The following RBL1 variants were observed in gnomAD, a reference collection of about 807,000 sequenced individuals.
The protein encoded by RBL1 is retinoblastoma-like protein 1.
Under a neutral mutation model 123.0 loss-of-function variants are expected in RBL1, and 82 were observed. That is an observed-to-expected ratio of 0.67 (90% CI 0.56 to 0.80). The LOEUF is 0.80. RBL1 is among the 30% of genes least tolerant of loss of function. The probability of loss-of-function intolerance (pLI) is 0.00; values close to 1 mark genes in which losing one functional copy is unlikely to be tolerated. For synonymous variants in RBL1, 405 were observed against 441.3 expected (o/e 0.92, Z 1.03); for missense variants, 1,171 against 1,299.6 (o/e 0.90, Z 1.52).
intron 9 of RBL1, among the ~76,000 whole-genome samples, chr20:37,057,557 T>G (rs976877954): frequency 3.9e-5 from 6 of 152,228 alleles, no homozygotes; most frequent in Non-Finnish European, 7.3e-5. Context: ...TTGAGTTATT[T>G]GTTGTTCTTG....
chr20:37,077,273 T>C (rs541441993), intron 2 of RBL1, among the ~76,000 whole-genome samples: 1 of 152,322 alleles, frequency 6.6e-6, no homozygotes, highest in African/African-American at 2.4e-5. Flanking sequence ...TACATATGCA[T>C]ATATGGTAGT....
chr20:37,070,030 C>T (rs953534483), intron 2 of RBL1, among the ~76,000 whole-genome samples: 12 of 152,114 alleles, frequency 7.9e-5, no homozygotes, highest in Non-Finnish European at 1.2e-4. Context: ...AATAGAAGGG[C>T]GGGAAAGGTG....
Position 37,047,173 on chromosome 20 carries a change from A to G in RBL1, c.1485T>C (p.Asp495=), listed in dbSNP as rs1321727318. The part of the protein sequence containing the change: ...GMDMSVLLEQ[D]IFHRSLMACC... ...AAGCCATCAAGGAACGATGAAATAT[A>G]TCTTGCTCTAAAAGAACCTGGGGGA... Residue 495 remains aspartate, a synonymous_variant, in exon 12 of 22, where the codon GAT becomes GAC. Transcript: ENST00000373664. 6.3e-7 allele frequency: 1 copy of G among 1,595,166 alleles called. No homozygotes were observed. Among genetic ancestry groups the G allele is most frequent in the South Asian group, 1.2e-5 (1 of 86,200 alleles).
At chr20:37,042,459 G>C (rs774254082) in intron 13 of RBL1, among the ~76,000 whole-genome samples, 7 of 152,120 alleles carry the variant, frequency 4.6e-5, no homozygotes, top group Non-Finnish European at 1.0e-4. Context: ...AAATGGTGCA[G>C]CCATTTTAGA....
At chr20:37,034,490 C>A (rs962530749) in intron 15 of RBL1, among the ~76,000 whole-genome samples, 1 of 151,630 alleles carries the variant, frequency 6.6e-6, no homozygotes, top group African/African-American at 2.4e-5. Context: ...AGTTTGAGAC[C>A]TGGGCAACAT....
At chr20:37,001,600 A>G (rs1243857405) in intron 21 of RBL1, among the ~76,000 whole-genome samples, 1 of 151,200 alleles carries the variant, frequency 6.6e-6, no homozygotes. Flanking sequence ...CCTAATCTCA[A>G]GTACCCAGGG....
rs151302051 is a variant in RBL1, at chr20:37,003,330, A to G, written c.3036+372T>C. ...TACGTAAGAGGAGGCTTGTGTTTTCAGACATCTTCCTATCCTGGGTGCCAT... is the reference window on the plus strand; with the variant it reads ...TACGTAAGAGGAGGCTTGTGTTTTCGGACATCTTCCTATCCTGGGTGCCAT... On this transcript the variant is annotated intron_variant, in intron 21 of 21. Transcript: ENST00000373664. Among the ~76,000 whole-genome samples, 1,378 of 152,266 alleles carry G rather than the reference A, an allele frequency of 9.0e-3. 20 individuals are homozygous for G. Among genetic ancestry groups the G allele is most frequent in the African/African-American group, 0.032 (1,328 of 41,556 alleles).
chr20:37,092,579 CA>C (rs2065666433), intron 1 of RBL1, among the ~76,000 whole-genome samples: 1 of 152,166 alleles, frequency 6.6e-6, no homozygotes, highest in South Asian at 2.1e-4. Flanking sequence ...AAGCTGGTCT[CA>C]AACTCCTGGG....
At chr20:37,071,519 G>T (rs535177571) in intron 2 of RBL1, among the ~76,000 whole-genome samples, 1 of 152,256 alleles carries the variant, frequency 6.6e-6, no homozygotes, top group East Asian at 1.9e-4. Flanking sequence ...AGCAAAGCAT[G>T]GTGGTGTGTG....
rs150410496 is a variant in RBL1 at position 37,095,898 on chromosome 20, C to T, written c.31G>A (p.Ala11Thr). Reference sequence around the variant, plus strand: ...TCCCCGGCTGCGGCGACCACCGCCGCCCCCTCAGCGTGGGGCTTGTCCTCG... The same window carrying T: ...TCCCCGGCTGCGGCGACCACCGCCGTCCCCTCAGCGTGGGGCTTGTCCTCG... MFEDKPHAEG[A>T]AVVAAAGEAL... Residue 11 changes from alanine to threonine, a missense_variant, in exon 1 of 22, where the codon GCG becomes ACG. Ala to Thr is a moderately conservative substitution (Grantham distance 58). Transcript: ENST00000373664. 231 of 1,602,364 alleles carry T rather than the reference C, an allele frequency of 1.4e-4. 1 individual carries two copies. The African/African-American group carries it at 2.7e-3, about 19-fold the overall frequency.
Position 37,095,770 on chromosome 20 carries a change from C to G in RBL1, c.156+3G>C. The G allele has an allele frequency of 6.3e-7, 1 of 1,584,978 alleles. No individual in the cohort carries two copies. Among genetic ancestry groups the G allele is most frequent in the Admixed American group, 1.7e-5 (1 of 57,988 alleles). ...TCCGGCCGCCCCACCTGCTGCCGCT[C>G]ACCTCTAGGCTGTAGTTGCCTCGGA... On this transcript the variant is annotated splice_donor_region_variant and intron_variant, in intron 1 of 21. Coordinates refer to ENST00000373664, the MANE Select transcript of RBL1 (RefSeq NM_002895.5).
intron 13 of RBL1, among the ~76,000 whole-genome samples, chr20:37,041,604 T>C (rs962953732): frequency 5.9e-5 from 9 of 152,198 alleles, no homozygotes; most frequent in South Asian, 2.1e-4. Flanking sequence ...ATTATAGTCA[T>C]GAGCCACTGC....
chr20:37,031,556 A>G (rs542702790), intron 16 of RBL1, among the ~76,000 whole-genome samples: 1 of 152,172 alleles, frequency 6.6e-6, no homozygotes, highest in Non-Finnish European at 1.5e-5. Context: ...GAAAACACGA[A>G]ACGTTGGCAA....
chr20:37,091,326 C>A (rs1230135298), intron 1 of RBL1, among the ~76,000 whole-genome samples: 1 of 151,574 alleles, frequency 6.6e-6, no homozygotes, highest in African/African-American at 2.4e-5. Flanking sequence ...CCACTGCACT[C>A]CAGCCTGCGC....
At chr20:37,060,070 G>T (rs2146292397) in intron 9 of RBL1, among the ~76,000 whole-genome samples, 1 of 152,156 alleles carries the variant, frequency 6.6e-6, no homozygotes, top group African/African-American at 2.4e-5. Flanking sequence ...TACTCGGGAG[G>T]CTGAGGCAGG....
At chr20:37,056,070 G>A in intron 10 of RBL1, 76 bp downstream of exon 10, 11 of 1,512,076 alleles carry the variant, frequency 7.3e-6, no homozygotes, top group Non-Finnish European at 9.7e-6. Context: ...AACGGGAGAG[G>A]AAAAACCGTG....
chr20:37,079,659 A>G (rs1018372633), intron 2 of RBL1, among the ~76,000 whole-genome samples: 2 of 151,800 alleles, frequency 1.3e-5, no homozygotes, highest in African/African-American at 4.8e-5. Flanking sequence ...TTTTTTGTAG[A>G]GACTAAAAAG....
At chr20:37,081,075 T>G (rs2065441110) in intron 2 of RBL1, among the ~76,000 whole-genome samples, 1 of 152,172 alleles carries the variant, frequency 6.6e-6, no homozygotes, top group African/African-American at 2.4e-5. Flanking sequence ...GGGACCTTGT[T>G]AGGGAACCTT....
intron 2 of RBL1, among the ~76,000 whole-genome samples, chr20:37,083,648 A>AT (rs1239162940): frequency 6.8e-6 from 1 of 146,168 alleles, no homozygotes; most frequent in Non-Finnish European, 1.5e-5. Flanking sequence ...AAAAAAAAAA[A>AT]AAAAAATACA....
Sources: allele counts gnomAD v4.1 joint callset (sites outside exome capture counted in the v4.1 genomes callset), GRCh38; gene constraint gnomAD v4.1.1; transcripts MANE v1.5; gene names NCBI Gene and HGNC (gene_info 2026-07-23, HGNC 2026-07-21).